Variants in MTUS2 observed in about 807,000 individuals in gnomAD.
The protein encoded by MTUS2 is microtubule associated scaffold protein 2, also known as microtubule-associated tumor suppressor candidate 2.
In MTUS2, 40 loss-of-function variants were observed where a neutral mutation model predicts 114.1. The ratio of observed to expected loss-of-function variants is 0.35; its 90% confidence interval spans 0.27 to 0.46. The LOEUF is 0.46. Among genes scored for constraint, MTUS2 ranks in the 20% least tolerant of loss-of-function variants. The probability of loss-of-function intolerance (pLI) is 1.00; values close to 1 mark genes in which losing one functional copy is unlikely to be tolerated. For missense variants in MTUS2, 1,679 were observed against 1,705.4 expected (o/e 0.98, Z 0.27); for synonymous variants, 688 against 672.0 (o/e 1.02, Z -0.37).
At chr13:29,431,753 T>A (rs1877001103) in intron 8 of MTUS2, among the ~76,000 whole-genome samples, 1 of 152,230 alleles carries the variant, frequency 6.6e-6, no homozygotes, top group Non-Finnish European at 1.5e-5. Flanking sequence ...GGCAACCTCA[T>A]GGTAAACACA....
chr13:28,828,277 C>T (rs1331319960), intron 1 of MTUS2, among the ~76,000 whole-genome samples: 1 of 152,180 alleles, frequency 6.6e-6, no homozygotes, highest in African/African-American at 2.4e-5. Flanking sequence ...TCCCTTGTTC[C>T]CTCAACATTG....
chr13:29,070,894 C>T (rs1197860014), intron 4 of MTUS2, among the ~76,000 whole-genome samples: 2 of 151,728 alleles, frequency 1.3e-5, no homozygotes, highest in Non-Finnish European at 2.9e-5. Flanking sequence ...GACAATCTTA[C>T]TTGACTTAAT....
chr13:29,159,621 T>C (rs1893010479), intron 5 of MTUS2, among the ~76,000 whole-genome samples: 1 of 151,082 alleles, frequency 6.6e-6, no homozygotes, highest in African/African-American at 2.4e-5. Context: ...AGGACTAATA[T>C]ACATAAAGAA....
chr13:28,912,358 C>G (rs1422873626), intron 2 of MTUS2, among the ~76,000 whole-genome samples: 1 of 152,132 alleles, frequency 6.6e-6, no homozygotes, highest in Non-Finnish European at 1.5e-5. Context: ...CTATTCTGTT[C>G]CATTGATCTA....
rs183635259 is a variant in MTUS2, at chr13:29,024,845, C to T, written c.147C>T (p.Asp49=). 4.8e-5 allele frequency: 78 copies of T among 1,613,942 alleles called. 1 individual carries two copies. The Admixed American group carries it at 1.1e-3, about 22-fold the overall frequency. ...TGTTGGAGGTCAGCTCCTCTCATGA[C>T]GAGTCCAAGACATGTGACCTGGGAG... ...QIMLEVSSSH[D]ESKTCDLGDE... is the part of the protein sequence containing the mutation. The change falls in exon 3 of 16, where the codon GAC becomes GAT. Residue 49 remains aspartate, a synonymous_variant. Coordinates refer to ENST00000612955, the MANE Select transcript of MTUS2 (RefSeq NM_001033602.4).
intron 5 of MTUS2, among the ~76,000 whole-genome samples, chr13:29,200,214 AT>A (rs773236245): frequency 1.3e-5 from 2 of 148,752 alleles, no homozygotes; most frequent in Admixed American, 6.7e-5. Context: ...GATCTTAGTT[AT>A]TTCTTGTCTT....
chr13:29,131,752 T>G (rs796557043), intron 5 of MTUS2, among the ~76,000 whole-genome samples: 4 of 152,352 alleles, frequency 2.6e-5, no homozygotes, highest in African/African-American at 9.6e-5. Flanking sequence ...CTTTAAACAA[T>G]GTTTAGTTGT....
At chr13:29,439,087 C>G (rs986823108) in intron 8 of MTUS2, among the ~76,000 whole-genome samples, 1 of 152,220 alleles carries the variant, frequency 6.6e-6, no homozygotes, top group African/African-American at 2.4e-5. Context: ...AAAATTCCCT[C>G]CCCGGAAATC....
At chr13:29,181,441 G>A (rs1047149037) in intron 5 of MTUS2, among the ~76,000 whole-genome samples, 2 of 152,162 alleles carry the variant, frequency 1.3e-5, no homozygotes, top group South Asian at 2.1e-4. Flanking sequence ...CAGCCTGGGT[G>A]CAAATAGATT....
At chr13:29,402,613 C>G (rs1874428684) in intron 8 of MTUS2, among the ~76,000 whole-genome samples, 1 of 152,054 alleles carries the variant, frequency 6.6e-6, no homozygotes, top group Admixed American at 6.5e-5. Flanking sequence ...TCAGCAGGGC[C>G]CCTGCTTGAA....
intron 4 of MTUS2, among the ~76,000 whole-genome samples, chr13:29,078,341 A>G (rs1201718507): frequency 1.3e-5 from 2 of 152,204 alleles, no homozygotes; most frequent in African/African-American, 4.8e-5. Context: ...TGTAGAGGAC[A>G]TACAATAACA....
At chr13:28,839,049 T>A (rs539704212) in intron 1 of MTUS2, among the ~76,000 whole-genome samples, 42 of 152,058 alleles carry the variant, frequency 2.8e-4, no homozygotes, top group African/African-American at 9.9e-4. Context: ...TATGTGTAGG[T>A]AAAAAAATGG....
chr13:28,890,414 C>T (rs944258169), intron 2 of MTUS2, among the ~76,000 whole-genome samples: 1 of 152,172 alleles, frequency 6.6e-6, no homozygotes, highest in Admixed American at 6.5e-5. Context: ...CAAATCCTGG[C>T]TCTACATCTT....
At chr13:29,219,967 C>G (rs1365366581) in intron 5 of MTUS2, among the ~76,000 whole-genome samples, 1 of 149,692 alleles carries the variant, frequency 6.7e-6, no homozygotes, top group Non-Finnish European at 1.5e-5. Context: ...GTTTTACTTT[C>G]TTATCATTCA....
rs143884304 is a variant in MTUS2 at position 29,176,219 on chromosome 13, C to G, written c.2644+75249C>G. Among the ~76,000 whole-genome samples, 1,090 of 152,210 alleles carry G rather than the reference C, an allele frequency of 7.2e-3. 6 individuals are homozygous for G. Among genetic ancestry groups the G allele is most frequent in the Non-Finnish European group, 9.9e-3 (670 of 68,012 alleles). On this transcript the variant is annotated intron_variant, in intron 5 of 15. Coordinates refer to ENST00000612955, the MANE Select transcript of MTUS2 (RefSeq NM_001033602.4). ...TTTCAGACTCCCTGACTGTACTGCTCTTTTTTCTCAGGTTTCCTCTTCCTT... is the reference window on the plus strand; with the variant it reads ...TTTCAGACTCCCTGACTGTACTGCTGTTTTTTCTCAGGTTTCCTCTTCCTT...
At chr13:29,196,876 A>G (rs538176595) in intron 5 of MTUS2, among the ~76,000 whole-genome samples, 2 of 152,308 alleles carry the variant, frequency 1.3e-5, no homozygotes, top group African/African-American at 2.4e-5. Flanking sequence ...TTGCTTTCAC[A>G]TCTTGGCTAT....
intron 7 of MTUS2, among the ~76,000 whole-genome samples, chr13:29,343,702 G>T (rs1187286924): frequency 3.2e-5 from 2 of 62,346 alleles, no homozygotes; most frequent in Non-Finnish European, 1.3e-4. Flanking sequence ...TTTCAGTTTG[G>T]TTTGTTTTGT....
intron 5 of MTUS2, among the ~76,000 whole-genome samples, chr13:29,208,123 G>T (rs969616132): frequency 1.3e-5 from 2 of 151,464 alleles, no homozygotes; most frequent in African/African-American, 4.8e-5. Flanking sequence ...TGGTCTTTTT[G>T]GAATTTTAAT....
At chr13:29,409,422 AT>A (rs1273412590) in intron 8 of MTUS2, among the ~76,000 whole-genome samples, 2 of 152,082 alleles carry the variant, frequency 1.3e-5, no homozygotes, top group African/African-American at 4.8e-5. Flanking sequence ...ACTTAGGTTA[AT>A]TTTTTTCTTC....
Sources: allele counts gnomAD v4.1 joint callset (sites outside exome capture counted in the v4.1 genomes callset), GRCh38; gene constraint gnomAD v4.1.1; transcripts MANE v1.5; gene names NCBI Gene and HGNC (gene_info 2026-07-23, HGNC 2026-07-21).